KCNQ5: variants seen among roughly 807,000 people sequenced by gnomAD.
KCNQ5 encodes the protein potassium voltage-gated channel subfamily Q member 5, also known as potassium voltage-gated channel subfamily KQT member 5.
In KCNQ5, 30 loss-of-function variants were observed where a neutral mutation model predicts 98.2. The ratio of observed to expected loss-of-function variants is 0.31; its 90% CI spans 0.23 to 0.41. The LOEUF (loss-of-function observed/expected upper bound fraction) is 0.41. Among genes scored for constraint, KCNQ5 ranks in the 10% least tolerant of loss-of-function variants. KCNQ5 has a pLI of 1.00. For synonymous variants in KCNQ5, 458 were observed against 449.4 expected (o/e 1.02, Z -0.24); for missense variants, 835 against 1,182.5 (o/e 0.71, Z 4.31).
At chr6:72,817,808 C>A (rs887693416) in intron 1 of KCNQ5, among the ~76,000 whole-genome samples, 3 of 151,918 alleles carry the variant, frequency 2.0e-5, no homozygotes, top group Non-Finnish European at 4.4e-5. Flanking sequence ...GTGGGAGGAT[C>A]GCTTGAGCCC....
At chr6:72,706,641 G>GGT (rs1196624730) in intron 1 of KCNQ5, among the ~76,000 whole-genome samples, 1 of 152,048 alleles carries the variant, frequency 6.6e-6, no homozygotes, top group Non-Finnish European at 1.5e-5. Context: ...CTTTACCTTA[G>GGT]TCAGTTCCTA....
intron 1 of KCNQ5, among the ~76,000 whole-genome samples, chr6:72,994,597 G>A (rs570689871): frequency 2.0e-5 from 3 of 150,900 alleles, no homozygotes; most frequent in African/African-American, 4.9e-5. Flanking sequence ...ACCTCAGATG[G>A]AAATGCAGAA....
intron 1 of KCNQ5, among the ~76,000 whole-genome samples, chr6:72,825,161 C>T (rs543078229): frequency 1.3e-4 from 19 of 151,792 alleles, no homozygotes; most frequent in Admixed American, 8.5e-4. Flanking sequence ...AACAAAAAAA[C>T]GAACATTTAG....
At chr6:72,837,780 T>TTA (rs946390426) in intron 1 of KCNQ5, among the ~76,000 whole-genome samples, 2 of 137,480 alleles carry the variant, frequency 1.5e-5, no homozygotes. Flanking sequence ...TTTAAACATG[T>TTA]TATATATACA....
chr6:72,806,563 A>G (rs1187032129), intron 1 of KCNQ5, among the ~76,000 whole-genome samples: 1 of 152,232 alleles, frequency 6.6e-6, no homozygotes, highest in Non-Finnish European at 1.5e-5. Flanking sequence ...AAGTAAGGCA[A>G]TAAGCAGAGA....
chr6:73,070,555 G>T (rs545272241), intron 3 of KCNQ5, among the ~76,000 whole-genome samples: 2 of 152,256 alleles, frequency 1.3e-5, no homozygotes, highest in Non-Finnish European at 2.9e-5. Flanking sequence ...TGGGGTTGGG[G>T]TATATGGTAA....
chr6:73,015,408 T>C (rs1381442345), intron 2 of KCNQ5, among the ~76,000 whole-genome samples: 1 of 152,158 alleles, frequency 6.6e-6, no homozygotes, highest in East Asian at 1.9e-4. Context: ...ACATAGTAAG[T>C]TGCCCCATAA....
chr6:72,860,879 T>C (rs1233607590), intron 1 of KCNQ5, among the ~76,000 whole-genome samples: 1 of 148,424 alleles, frequency 6.7e-6, no homozygotes, highest in East Asian at 1.9e-4. Flanking sequence ...GTGTGTATGT[T>C]TTAGGGGAAT....
chr6:72,927,708 C>A lies in KCNQ5; in HGVS notation c.399-76200C>A, dbSNP rs139181016. ...CTGTATTTTTCTTTAACATTACATA[C>A]TTTATTGCTTCCATTAATTGAATTT... On this transcript the variant is annotated intron_variant, in intron 1 of 13. Coordinates refer to ENST00000370398, the MANE Select transcript of KCNQ5 (RefSeq NM_019842.4). 9.9e-4 allele frequency among the ~76,000 whole-genome samples: 151 copies of A among 152,170 alleles called. 1 individual carries two copies. Among genetic ancestry groups the A allele is most frequent in the African/African-American group, 3.3e-3 (137 of 41,556 alleles).
chr6:73,075,672 C>T (rs549583660), intron 3 of KCNQ5, among the ~76,000 whole-genome samples: 1 of 152,298 alleles, frequency 6.6e-6, no homozygotes, highest in Non-Finnish European at 1.5e-5. Context: ...TTGTTTCCAA[C>T]AGCTGCCAAG....
chr6:72,694,789 T>C (rs1490136848), intron 1 of KCNQ5, among the ~76,000 whole-genome samples: 1 of 152,202 alleles, frequency 6.6e-6, no homozygotes, highest in Admixed American at 6.5e-5. Context: ...TGCATGATGC[T>C]GAAGTTTGGG....
At chr6:73,130,410 A>G (rs9446845) in intron 9 of KCNQ5, among the ~76,000 whole-genome samples, 111,362 of 152,042 alleles carry the variant, frequency 0.73, 45,980 homozygotes, top group South Asian at 0.94. Context: ...TCTGCTGAGC[A>G]TGGTCCTCAG....
chr6:73,082,299 C>T (rs962843534), intron 5 of KCNQ5, among the ~76,000 whole-genome samples: 15 of 152,194 alleles, frequency 9.9e-5, no homozygotes, highest in Non-Finnish European at 2.1e-4. Context: ...GAATACTACT[C>T]TGCCTAGAAC....
At chr6:72,674,165 T>G (rs919516795) in intron 1 of KCNQ5, among the ~76,000 whole-genome samples, 1 of 152,170 alleles carries the variant, frequency 6.6e-6, no homozygotes, top group Non-Finnish European at 1.5e-5. Flanking sequence ...AAAATATCTA[T>G]CTGTATGTCT....
intron 3 of KCNQ5, among the ~76,000 whole-genome samples, chr6:73,065,813 C>T (rs1773026475): frequency 6.6e-6 from 1 of 152,194 alleles, no homozygotes; most frequent in Non-Finnish European, 1.5e-5. Flanking sequence ...TTCGTTGGGT[C>T]ATGGCTCCTC....
In KCNQ5 at chr6:72,997,029, C is replaced by T. The variant is rs143679315; in HGVS notation, c.399-6879C>T. On this transcript the variant is annotated intron_variant, in intron 1 of 13. Coordinates refer to ENST00000370398, the MANE Select transcript of KCNQ5 (RefSeq NM_019842.4). ...GAGTAAAGGTCCCAGACAAGGAGAG[C>T]GAACTCAGGAGAAAATCAATTTCCA... is the stretch of plus-strand genomic sequence containing the variant. Among the ~76,000 whole-genome samples the T allele has an allele frequency of 1.6e-3, 238 of 152,220 alleles. 5 individuals carry two copies. The East Asian group carries it at 0.036, about 23-fold the overall frequency.
chr6:72,923,622 G>A (rs1329732391), intron 1 of KCNQ5, among the ~76,000 whole-genome samples: 4 of 152,106 alleles, frequency 2.6e-5, no homozygotes, highest in Non-Finnish European at 5.9e-5. Context: ...ACATATGCAG[G>A]TTTGTTACAT....
At chr6:72,921,296 A>C (rs1307568745) in intron 1 of KCNQ5, among the ~76,000 whole-genome samples, 2 of 152,336 alleles carry the variant, frequency 1.3e-5, no homozygotes, top group South Asian at 2.1e-4. Context: ...AGTTAGGAGA[A>C]CCAGATGTTC....
chr6:72,705,702 G>A (rs958329740), intron 1 of KCNQ5, among the ~76,000 whole-genome samples: 18 of 151,454 alleles, frequency 1.2e-4, no homozygotes, highest in Non-Finnish European at 2.1e-4. Context: ...TAAAAAATAA[G>A]GTAGGAAAGA....
Sources: gnomAD v4.1 joint callset for allele counts (sites outside exome capture counted in the v4.1 genomes callset) on GRCh38, gnomAD v4.1.1 for gene constraint, MANE v1.5 for transcripts, NCBI Gene and HGNC (gene_info 2026-07-23, HGNC 2026-07-21) for gene names.